The following POLR2F variants were observed in gnomAD, a reference collection of about 807,000 sequenced individuals.
The protein encoded by POLR2F is DNA-directed RNA polymerases I, II, and III subunit RPABC2.
POLR2F carries 12 observed loss-of-function variants against 22.7 expected under a neutral mutation model. That is an observed-to-expected ratio of 0.53 (90% CI 0.34 to 0.86). POLR2F has a LOEUF of 0.86. Ranked by LOEUF, POLR2F falls within the 40% of genes least tolerant of loss-of-function variation. The pLI is 0.02. For synonymous variants in POLR2F, 57 were observed against 66.0 expected (o/e 0.86, Z 0.66); for missense variants, 126 against 171.5 (o/e 0.73, Z 1.48).
At chr22:38,040,636 G>A (rs1014324715) in intron 5 of POLR2F, 9 of 205,980 alleles carry the variant, frequency 4.4e-5, no homozygotes, top group Admixed American at 1.1e-4. Context: ...ACCTAGCTCA[G>A]TGCCAGCACA....
intron 1 of POLR2F, among the ~76,000 whole-genome samples, chr22:38,000,612 A>G (rs912700625): frequency 2.6e-5 from 4 of 152,192 alleles, no homozygotes; most frequent in Non-Finnish European, 5.9e-5. Context: ...GGTTGGTGTC[A>G]CCAGCCCAGG....
At chr22:38,000,739 A>G (rs947408778) in intron 1 of POLR2F, among the ~76,000 whole-genome samples, 1 of 152,182 alleles carries the variant, frequency 6.6e-6, no homozygotes, top group African/African-American at 2.4e-5. Flanking sequence ...ATTCTCCAAC[A>G]TGCTCAAAGT....
chr22:37,982,277 G>C (rs1387407389), upstream of POLR2F, among the ~76,000 whole-genome samples: 1 of 152,162 alleles, frequency 6.6e-6, no homozygotes, highest in African/African-American at 2.4e-5. Flanking sequence ...TGACCTTTGT[G>C]ATTCCTTTGC....
At chr22:38,002,657 T>G (rs1601900873) in intron 1 of POLR2F, among the ~76,000 whole-genome samples, 1 of 151,664 alleles carries the variant, frequency 6.6e-6, no homozygotes, top group African/African-American at 2.4e-5. Flanking sequence ...CCGGTGGAGG[T>G]GATGTTTGGG....
intron 1 of POLR2F, among the ~76,000 whole-genome samples, chr22:37,991,135 T>G (rs916651067): frequency 3.3e-5 from 5 of 152,182 alleles, no homozygotes; most frequent in African/African-American, 2.4e-5. Flanking sequence ...TTATTATTAC[T>G]ATTATTATTT....
intron 1 of POLR2F, among the ~76,000 whole-genome samples, chr22:38,013,119 C>A (rs1042969753): frequency 3.5e-5 from 2 of 57,088 alleles, no homozygotes; most frequent in African/African-American, 1.7e-4. Context: ...CCTTCCTTCC[C>A]TTCCTTCCCT....
In POLR2F at chr22:38,023,193, G is replaced by T. The variant is rs1324343314; in HGVS notation, c.121-2676G>T. ...TCCAGAGTGGTTTTCCCAGACAGCA[G>T]TGGGGTCTGGCAGGGGACCTAGTCA... On this transcript the variant is annotated intron_variant, in intron 1 of 2. Transcript: ENST00000333418. Among the ~76,000 whole-genome samples, 4 of 152,194 alleles carry T rather than the reference G, an allele frequency of 2.6e-5. No individual in the cohort carries two copies. The East Asian group carries it at 7.7e-4, about 29-fold the overall frequency.
chr22:37,981,223 C>G (rs1321005574), upstream of POLR2F, among the ~76,000 whole-genome samples: 1 of 152,234 alleles, frequency 6.6e-6, no homozygotes, highest in Non-Finnish European at 1.5e-5. Flanking sequence ...TTCTTGACAT[C>G]CCAGGAGTCA....
At chr22:37,992,081 C>T (rs1425331646) in intron 1 of POLR2F, among the ~76,000 whole-genome samples, 1 of 152,208 alleles carries the variant, frequency 6.6e-6, no homozygotes, top group Non-Finnish European at 1.5e-5. Context: ...AGTGATCCTT[C>T]CACCTCACCC....
chr22:38,015,699 C>G (rs1051303074), intron 1 of POLR2F, among the ~76,000 whole-genome samples: 4 of 152,162 alleles, frequency 2.6e-5, no homozygotes, highest in African/African-American at 9.7e-5. Context: ...GATAGAAAGA[C>G]AGGGGAGTTA....
At chr22:38,029,210 C>G (rs192364276), downstream of POLR2F, among the ~76,000 whole-genome samples, 34 of 152,308 alleles carry the variant, frequency 2.2e-4, no homozygotes, top group African/African-American at 7.9e-4. Context: ...GGGCATATCA[C>G]AGAATCCCAG....
At position 37,974,345 on chromosome 22, in the gene POLR2F, G is replaced by A. The variant is rs1472360552; in HGVS notation, c.293+7175G>A. On this transcript the variant is annotated intron_variant, in intron 4 of 4. Transcript: ENST00000405557. This position sits in a 1 kb window ranked among gnomAD's most constrained non-coding sequence, Gnocchi z 5.4. ...GTTTCACATTTTGGCAGCATGAGTCGGGTTTTTTTTTGTTTTTTTTTTTTG... is the reference window on the plus strand; with the variant it reads ...GTTTCACATTTTGGCAGCATGAGTCAGGTTTTTTTTTGTTTTTTTTTTTTG... 2.4e-5 allele frequency: 15 copies of A among 629,860 alleles called. No individual in the cohort carries two copies. Among genetic ancestry groups the A allele is most frequent in the Middle Eastern group, 4.3e-4 (1 of 2,336 alleles). The allele number at this position is 629,860 out of a possible 1,614,324, so 39.0% of individuals were successfully genotyped here.
chr22:37,953,856 A>G (rs771897584), intron 1 of POLR2F, 49 bp downstream of exon 1: 1 of 1,594,042 alleles, frequency 6.3e-7, no homozygotes, highest in South Asian at 1.1e-5. Context: ...GAAGGGGCGG[A>G]TGAGGCAAGG....
In POLR2F at chr22:38,025,974, G is replaced by C. The variant is rs752506079; in HGVS notation, c.228G>C (p.Glu76Asp). The C allele has an allele frequency of 6.7e-6, 4 of 599,074 alleles. No homozygotes were observed. In the Admixed American group the frequency reaches 7.5e-5, roughly 11 times the overall value. 37.1% of individuals were successfully genotyped at this position (599,074 alleles called of 1,614,324 possible). ...ACTCTGAATCTAGAAGTCAACCGGA[G>C]AATGTGCTCCTCAGAGGGCCCTGGA... The change falls in exon 2 of 3, where the codon GAG (glutamate) becomes GAC (aspartate). Residue 76 changes from glutamate to aspartate, a missense_variant. Physicochemically the swap from Glu to Asp is conservative, Grantham distance 45. Coordinates refer to the POLR2F transcript ENST00000333418.
rs1396375007 is a variant in POLR2F, at chr22:37,997,186, G to T, written c.120+10874G>T. Among the ~76,000 whole-genome samples the T allele has an allele frequency of 2.0e-5, 3 of 152,114 alleles. No individual in the cohort carries two copies. Among genetic ancestry groups the T allele is most frequent in the Non-Finnish European group, 4.4e-5 (3 of 67,994 alleles). On this transcript the variant is annotated intron_variant, in intron 1 of 2. Transcript: ENST00000333418. The surrounding 1 kb of genome is among the most constrained non-coding windows in gnomAD (Gnocchi z 4.4). ...GAGGGCCCTGAGCTTCCCAGCCGGAGTCTCCCCTCCATCCCCTCCTCTGAA... is the reference window on the plus strand; with the variant it reads ...GAGGGCCCTGAGCTTCCCAGCCGGATTCTCCCCTCCATCCCCTCCTCTGAA...
chr22:37,982,683 G>A (rs1932437386), upstream of POLR2F, among the ~76,000 whole-genome samples: 1 of 152,148 alleles, frequency 6.6e-6, no homozygotes, highest in South Asian at 2.1e-4. Flanking sequence ...AGGGAGGAAA[G>A]AGATCAGCTT....
downstream of POLR2F, chr22:37,973,177 T>G (rs1932109876): frequency 1.2e-5 from 4 of 322,500 alleles, no homozygotes; most frequent in South Asian, 3.0e-4. Flanking sequence ...CCGAGGAGGG[T>G]GAGCAGGCCC....
At chr22:37,956,945 G>GC in intron 2 of POLR2F, 103 bp downstream of exon 2, 1 of 890,576 alleles carries the variant, frequency 1.1e-6, no homozygotes. Context: ...TGTGGTCAAG[G>GC]CCCCTGCCAT....
chr22:37,958,575 C>T (rs1931498317), intron 2 of POLR2F: 1 of 152,040 alleles, frequency 6.6e-6, no homozygotes, highest in Non-Finnish European at 1.5e-5. Flanking sequence ...AATTATTGTC[C>T]ACAACTAGTT....
Sources: gnomAD v4.1 joint callset for allele counts (sites outside exome capture counted in the v4.1 genomes callset) on GRCh38, gnomAD v4.1.1 for gene constraint, Gnocchi (gnomAD v3.1) non-coding constraint, MANE v1.5 for transcripts, NCBI Gene and HGNC (gene_info 2026-07-23, HGNC 2026-07-21) for gene names.